The following TDG variants were observed in gnomAD, a reference collection of about 807,000 sequenced individuals.
The protein encoded by TDG is G/T mismatch-specific thymine DNA glycosylase.
In TDG, 23 loss-of-function variants were observed where a neutral mutation model predicts 46.1. The observed-to-expected ratio is 0.50, with a 90% CI of 0.36 to 0.71. TDG has a LOEUF of 0.71. Among genes scored for constraint, TDG ranks in the 30% least tolerant of loss-of-function variants. TDG has a pLI of 0.00. For synonymous variants in TDG, 115 were observed against 161.3 expected, an observed-to-expected ratio of 0.71 and a Z score of 2.18; for missense variants, 304 against 486.7, an observed-to-expected ratio of 0.62 and a Z score of 3.53.
intron 2 of TDG, among the ~76,000 whole-genome samples, chr12:103,977,819 T>C (rs1401206045): frequency 6.6e-6 from 1 of 152,046 alleles, no homozygotes; most frequent in African/African-American, 2.4e-5. Flanking sequence ...ATCCCTGCAC[T>C]TTGGAAGGCT....
At chr12:103,976,787 C>T in intron 1 of TDG, 131 bp from the exon 2 acceptor site, 2 of 1,100,110 alleles carry the variant, frequency 1.8e-6, no homozygotes, top group Non-Finnish European at 1.3e-6. Flanking sequence ...CTCTGTAATC[C>T]ACTCTAAATA....
chr12:103,980,128 T>G (rs1043857667), intron 3 of TDG, 56 bp downstream of exon 3: 4 of 1,599,328 alleles, frequency 2.5e-6, no homozygotes, highest in Non-Finnish European at 3.4e-6. Context: ...TCAGCTTTAC[T>G]TAACAGTTGT....
chr12:103,973,580 C>G (rs1003419769), intron 1 of TDG, among the ~76,000 whole-genome samples: 8 of 152,168 alleles, frequency 5.3e-5, no homozygotes, highest in Non-Finnish European at 1.2e-4. Context: ...CCATATCCAA[C>G]TCATCATTAG....
At chr12:103,966,125 G>C (rs1705544697) in intron 1 of TDG, 65 bp downstream of exon 1, 1 of 1,424,322 alleles carries the variant, frequency 7.0e-7, no homozygotes, top group Non-Finnish European at 9.2e-7. Flanking sequence ...TGGCTGGCGC[G>C]CGCGCGCGCA....
At chr12:103,971,523 T>A (rs1454945683) in intron 1 of TDG, among the ~76,000 whole-genome samples, 5 of 152,066 alleles carry the variant, frequency 3.3e-5, no homozygotes, top group African/African-American at 9.7e-5. Flanking sequence ...GCCATTGCAC[T>A]CCAGCCTGGG....
rs1362037121 is a variant in TDG at position 103,988,118 on chromosome 12, G to A, written c.*1028G>A. ...TAAATGAACCTCATGGAAAGGTTGA[G>A]GTGTATACCTTTGTGATTTTCTAAT... On this transcript the variant is annotated 3_prime_UTR_variant, in exon 10 of 10. Transcript: ENST00000392872. The A allele has an allele frequency of 9.2e-5, 14 of 152,720 alleles. No homozygotes were observed. Among genetic ancestry groups the A allele is most frequent in the African/African-American group, 3.4e-4 (14 of 41,482 alleles). The allele number at this position is 152,720 out of a possible 1,614,324, so 9.5% of individuals were successfully genotyped here.
At chr12:103,970,633 G>T (rs1281590329) in intron 1 of TDG, among the ~76,000 whole-genome samples, 1 of 152,056 alleles carries the variant, frequency 6.6e-6, no homozygotes, top group Admixed American at 6.5e-5. Flanking sequence ...TGTAGTCCTA[G>T]CTACTCAGGA....
At chr12:103,977,198 G>A (rs1871584560) in intron 2 of TDG, 138 bp downstream of exon 2, 2 of 1,197,796 alleles carry the variant, frequency 1.7e-6, no homozygotes, top group Admixed American at 5.8e-5. Flanking sequence ...TATGTGCTAA[G>A]CACTGATAGG....
intron 2 of TDG, among the ~76,000 whole-genome samples, chr12:103,978,335 C>T (rs919974583): frequency 1.4e-4 from 21 of 151,976 alleles, no homozygotes; most frequent in African/African-American, 5.1e-4. Flanking sequence ...GAGGAGGTGC[C>T]ACTCACCAAG....
chr12:103,969,244 T>A (rs1356483359), intron 1 of TDG, among the ~76,000 whole-genome samples: 2 of 152,216 alleles, frequency 1.3e-5, no homozygotes, highest in African/African-American at 4.8e-5. Context: ...ATTAAGGAAC[T>A]TGCCCACAGA....
Position 103,965,952 on chromosome 12 carries a change from A to G in TDG, c.-86A>G. 4 of 1,528,040 alleles carry G rather than the reference A, an allele frequency of 2.6e-6. No homozygotes were observed. The highest frequency in any genetic ancestry group is 3.5e-6 in the Non-Finnish European group (4 of 1,131,278). 94.7% of individuals were successfully genotyped at this position (1,528,040 alleles called of 1,614,324 possible). On this transcript the variant is annotated 5_prime_UTR_variant, in exon 1 of 10. Transcript: ENST00000392872. The stretch of plus-strand genomic sequence containing the variant: ...GGGCCCAGGTCTCTGGGGTTGTCTT[A>G]CCGCAGTGAGTACCACGCGGTACTA...
At chr12:103,967,093 A>G (rs912003857) in intron 1 of TDG, among the ~76,000 whole-genome samples, 8 of 152,264 alleles carry the variant, frequency 5.3e-5, no homozygotes, top group South Asian at 2.1e-4. Context: ...TACAAATAAG[A>G]GAATTCACCA....
intron 8 of TDG, 72 bp downstream of exon 8, chr12:103,984,992 T>C (rs1375178245): frequency 3.2e-6 from 4 of 1,257,130 alleles, no homozygotes; most frequent in African/African-American, 1.5e-5. Flanking sequence ...TACATATATA[T>C]ACACATATAC....
chr12:103,984,426 T>C (rs1872005609), intron 7 of TDG, among the ~76,000 whole-genome samples: 1 of 152,096 alleles, frequency 6.6e-6, no homozygotes, highest in Non-Finnish European at 1.5e-5. Context: ...AAACCCCATC[T>C]CCACTAAAAA....
chr12:103,966,030 C>T lies in TDG; in HGVS notation c.-8C>T, dbSNP rs1381499432. 3.8e-6 allele frequency: 6 copies of T among 1,596,958 alleles called. No individual in the cohort carries two copies. The highest frequency in any genetic ancestry group is 5.1e-6 in the Non-Finnish European group (6 of 1,172,440). ...AGGTGGAGCCGCCCGCATCAGCGGCCTCGGGGAATGGAAGCGGAGAACGCG... is the reference window on the plus strand; with the variant it reads ...AGGTGGAGCCGCCCGCATCAGCGGCTTCGGGGAATGGAAGCGGAGAACGCG... On this transcript the variant is annotated 5_prime_UTR_variant, in exon 1 of 10. Coordinates refer to ENST00000392872, the MANE Select transcript of TDG (RefSeq NM_003211.6).
At chr12:103,969,753 T>G (rs374720090) in intron 1 of TDG, among the ~76,000 whole-genome samples, 5 of 152,184 alleles carry the variant, frequency 3.3e-5, no homozygotes, top group African/African-American at 1.2e-4. Context: ...AACAGTATAA[T>G]GTGGGTGCCA....
chr12:103,976,239 G>C lies in TDG; in HGVS notation c.24-679G>C, dbSNP rs540669016. Among the ~76,000 whole-genome samples the C allele has an allele frequency of 3.3e-5, 5 of 152,062 alleles. No individual in the cohort carries two copies. In the South Asian group the frequency reaches 1.0e-3, roughly 32 times the overall value. ...GGCCAACATGGCAAAACCCTGTCTA[G>C]ACAAAAATTACAAAAATTAGCCAGG... On this transcript the variant is annotated intron_variant, in intron 1 of 9. Transcript: ENST00000392872.
At chr12:103,979,696 C>G (rs577279804) in intron 2 of TDG, 135 bp from the exon 3 acceptor site, 2 of 1,089,522 alleles carry the variant, frequency 1.8e-6, no homozygotes, top group Non-Finnish European at 2.5e-6. Flanking sequence ...GCAGAGGAGA[C>G]TCATGTTGGG....
At chr12:103,974,350 C>T (rs4135075) in intron 1 of TDG, among the ~76,000 whole-genome samples, 5 of 152,112 alleles carry the variant, frequency 3.3e-5, no homozygotes, top group Non-Finnish European at 7.4e-5. Context: ...GATCATCGCT[C>T]ACTGTAACCT....
Sources: gnomAD v4.1 joint callset for allele counts (sites outside exome capture counted in the v4.1 genomes callset) on GRCh38, gnomAD v4.1.1 for gene constraint, MANE v1.5 for transcripts, NCBI Gene and HGNC (gene_info 2026-07-23, HGNC 2026-07-21) for gene names.